LATS2: variants seen among roughly 807,000 people sequenced by gnomAD.
LATS2 encodes serine/threonine-protein kinase LATS2.
In LATS2, 24 loss-of-function variants were observed where a neutral mutation model predicts 76.0. That is an observed-to-expected ratio of 0.32 (90% confidence interval 0.23 to 0.44). The LOEUF (loss-of-function observed/expected upper bound fraction) is 0.44. Ranked by LOEUF, LATS2 falls within the 20% of genes least tolerant of loss-of-function variation. The pLI, the probability that LATS2 is intolerant of heterozygous loss-of-function variation, is 1.00. For missense variants in LATS2, 1,286 were observed against 1,481.2 expected (o/e 0.87, Z 2.16); for synonymous variants, 692 against 635.4 (o/e 1.09, Z -1.34).
chr13:21,044,692 GTGTGT>G (rs1565964490), intron 2 of LATS2, among the ~76,000 whole-genome samples: 560 of 4,410 alleles, frequency 0.13, 2 homozygotes, highest in African/African-American at 0.15. Context: ...GTGTAGGGGT[GTGTGT>G]GTGTGTGTGT....
At chr13:21,007,621 A>T (rs1260485219) in intron 2 of LATS2, among the ~76,000 whole-genome samples, 2 of 612 alleles carry the variant, frequency 3.3e-3, no homozygotes, top group African/African-American at 3.7e-3. Flanking sequence ...ATATATATAT[A>T]GTGTATATAT....
chr13:20,985,952 G>C (rs1050464933), intron 4 of LATS2, among the ~76,000 whole-genome samples: 1 of 152,152 alleles, frequency 6.6e-6, no homozygotes, highest in Admixed American at 6.5e-5. Flanking sequence ...GCTGAGGCAG[G>C]AGAATCACTT....
intron 2 of LATS2, among the ~76,000 whole-genome samples, chr13:21,004,258 A>C (rs1193299204): frequency 6.6e-6 from 1 of 152,172 alleles, no homozygotes; most frequent in Non-Finnish European, 1.5e-5. Flanking sequence ...AACATGGTGA[A>C]ACCCCGTCTC....
chr13:21,053,148 T>A (rs1331710834), intron 1 of LATS2, among the ~76,000 whole-genome samples: 1 of 145,810 alleles, frequency 6.9e-6, no homozygotes. Flanking sequence ...GGCAGGAGAA[T>A]CGCTTGAACC....
At chr13:21,060,833 G>A (rs1168909880) in intron 1 of LATS2, among the ~76,000 whole-genome samples, 2 of 151,438 alleles carry the variant, frequency 1.3e-5, no homozygotes, top group Non-Finnish European at 3.0e-5. Flanking sequence ...CCCCGGATCC[G>A]TGGGACCGCT....
chr13:20,988,066 G>C lies in LATS2; in HGVS notation c.1714C>G (p.Gln572Glu), dbSNP rs1240097694. 6.2e-7 allele frequency: 1 copy of C among 1,614,244 alleles called. No homozygotes were observed. The highest frequency in any genetic ancestry group is 1.7e-5 in the Admixed American group (1 of 60,032). ...ACGGGAACGGGAGAGGTCTGAATCT[G>C]CTTTTTATCCTTTCCGCCTTTGTCC... Reference protein sequence around the residue: ...KGDKGGKDKKQIQTSPVPVRK... With the variant: ...KGDKGGKDKKEIQTSPVPVRK... The change falls in exon 4 of 8, where the codon CAG becomes GAG. Residue 572 changes from glutamine (Q) to glutamate (E), a missense_variant. Coordinates refer to ENST00000382592, the MANE Select transcript of LATS2 (RefSeq NM_014572.3).
intron 2 of LATS2, among the ~76,000 whole-genome samples, chr13:21,007,509 G>A (rs1343769479): frequency 8.7e-6 from 1 of 114,912 alleles, no homozygotes; most frequent in Non-Finnish European, 1.8e-5. Flanking sequence ...ATAAGGGAAG[G>A]AGTAGTTAGT....
intron 1 of LATS2, among the ~76,000 whole-genome samples, chr13:21,056,992 A>C (rs1326542282): frequency 6.6e-6 from 1 of 152,216 alleles, no homozygotes; most frequent in African/African-American, 2.4e-5. Flanking sequence ...TCGTCCGGGT[A>C]CATTTAATGA....
chr13:21,007,545 G>GTATATATA (rs71090549), intron 2 of LATS2, among the ~76,000 whole-genome samples: 1 of 3,610 alleles, frequency 2.8e-4, no homozygotes, highest in Non-Finnish European at 4.7e-4. Context: ...TATATATATA[G>GTATATATA]TATATATATA....
chr13:21,038,890 G>T (rs943688074), intron 2 of LATS2, among the ~76,000 whole-genome samples: 4 of 152,142 alleles, frequency 2.6e-5, no homozygotes, highest in Non-Finnish European at 4.4e-5. Context: ...GAGGCATGGC[G>T]CATTGCTTGA....
chr13:21,039,119 C>T (rs965047582), intron 2 of LATS2, among the ~76,000 whole-genome samples: 2 of 152,022 alleles, frequency 1.3e-5, no homozygotes, highest in Admixed American at 6.6e-5. Flanking sequence ...TCTGGAAGAG[C>T]CAAATTTAAT....
intron 2 of LATS2, among the ~76,000 whole-genome samples, chr13:21,012,050 G>A (rs1871612324): frequency 2.6e-5 from 4 of 152,034 alleles, no homozygotes; most frequent in East Asian, 3.8e-4. Flanking sequence ...TCTCATCAAC[G>A]CTATAACAAA....
chr13:20,990,610 G>T (rs1012581426), intron 3 of LATS2, among the ~76,000 whole-genome samples: 1 of 151,880 alleles, frequency 6.6e-6, no homozygotes, highest in African/African-American at 2.4e-5. Context: ...ACAAAACCAG[G>T]CCACACAGTG....
intron 2 of LATS2, among the ~76,000 whole-genome samples, chr13:21,022,304 A>C (rs982938569): frequency 6.6e-6 from 1 of 152,148 alleles, no homozygotes; most frequent in South Asian, 2.1e-4. Context: ...GTGAGTGTGC[A>C]TGTGTGTGAA....
At chr13:21,008,067 T>A (rs968223369) in intron 2 of LATS2, among the ~76,000 whole-genome samples, 1 of 151,928 alleles carries the variant, frequency 6.6e-6, no homozygotes. Flanking sequence ...CCCTGACTTC[T>A]GTTTTAAAAG....
chr13:21,030,941 A>G (rs1452406603), intron 2 of LATS2, among the ~76,000 whole-genome samples: 4 of 151,756 alleles, frequency 2.6e-5, no homozygotes, highest in African/African-American at 9.7e-5. Flanking sequence ...GTTCCCCCGG[A>G]AATGTCTTTA....
intron 2 of LATS2, among the ~76,000 whole-genome samples, chr13:21,033,140 G>C (rs560347393): frequency 6.6e-6 from 1 of 151,922 alleles, no homozygotes; most frequent in African/African-American, 2.4e-5. Context: ...AAAAATAGCA[G>C]GCCACCGGAG....
chr13:21,021,474 C>CCAAAAAAA, intron 2 of LATS2, among the ~76,000 whole-genome samples: 1 of 48,378 alleles, frequency 2.1e-5, no homozygotes, highest in African/African-American at 6.9e-5. Context: ...GACTCTGTCT[C>CCAAAAAAA]AAAAAAAAAA....
At chr13:20,995,759 TCCATTATCTAGTTTGCACACGTG>T (rs1474661959) in intron 2 of LATS2, among the ~76,000 whole-genome samples, 1 of 140,152 alleles carries the variant, frequency 7.1e-6, no homozygotes, top group Non-Finnish European at 1.6e-5. Flanking sequence ...CAAGTTTTAC[TCCATTATCTAGTTTGCACACGTG>T]CCATTCTTCA....
Sources: allele counts gnomAD v4.1 joint callset (sites outside exome capture counted in the v4.1 genomes callset), GRCh38; gene constraint gnomAD v4.1.1; transcripts MANE v1.5; gene names NCBI Gene and HGNC (gene_info 2026-07-23, HGNC 2026-07-21).